The following MARCHF6 variants were observed in gnomAD, a reference collection of about 807,000 sequenced individuals.
MARCHF6 encodes membrane associated ring-CH-type finger 6.
Under a neutral mutation model 133.7 loss-of-function variants are expected in MARCHF6, and 31 were observed. The ratio of observed to expected loss-of-function variants is 0.23; its 90% CI spans 0.17 to 0.31. MARCHF6 has a LOEUF of 0.31. Ranked by LOEUF, MARCHF6 falls within the 10% of genes least tolerant of loss-of-function variation. The pLI, the probability that MARCHF6 is intolerant of heterozygous loss-of-function variation, is 1.00. For synonymous variants in MARCHF6, 395 were observed against 402.5 expected, an observed-to-expected ratio of 0.98 and a Z score of 0.22; for missense variants, 723 against 1,121.6, an observed-to-expected ratio of 0.64 and a Z score of 5.08.
intron 1 of MARCHF6, among the ~76,000 whole-genome samples, chr5:10,359,923 G>A (rs1440296712): frequency 1.3e-5 from 2 of 151,896 alleles, no homozygotes; most frequent in Non-Finnish European, 2.9e-5. Context: ...GGAGAATGGC[G>A]TGAACGTGGG....
At chr5:10,390,601 A>G (rs1025919560) in intron 6 of MARCHF6, 101 bp downstream of exon 6, 2 of 1,150,214 alleles carry the variant, frequency 1.7e-6, no homozygotes, top group South Asian at 1.6e-5. Flanking sequence ...CCTCATAAAC[A>G]TTCTTTTGTT....
In MARCHF6 at chr5:10,436,382, G is replaced by C. The variant is rs1740656173; in HGVS notation, c.*2698G>C. 1 of 151,950 alleles carries C rather than the reference G, an allele frequency of 6.6e-6. No homozygotes were observed. The highest frequency in any genetic ancestry group is 2.4e-5 in the African/African-American group (1 of 41,368). The allele number at this position is 151,950 out of a possible 1,614,324, so 9.4% of individuals were successfully genotyped here. On this transcript the variant is annotated 3_prime_UTR_variant, in exon 26 of 26. Transcript: ENST00000274140. Reference sequence around the variant, plus strand: ...CATTTTCCAGCATAATATTTGCTTGGGTAGCATCCGGGTTTTAGTATTTAA... The same window carrying C: ...CATTTTCCAGCATAATATTTGCTTGCGTAGCATCCGGGTTTTAGTATTTAA...
intron 1 of MARCHF6, among the ~76,000 whole-genome samples, chr5:10,376,077 A>G (rs1464292969): frequency 6.6e-6 from 1 of 152,180 alleles, no homozygotes; most frequent in Non-Finnish European, 1.5e-5. Context: ...GCCAGATAAG[A>G]GAATAAAAGC....
At chr5:10,362,860 G>A (rs2578648) in intron 1 of MARCHF6, among the ~76,000 whole-genome samples, 1 of 151,980 alleles carries the variant, frequency 6.6e-6, no homozygotes, top group African/African-American at 2.4e-5. Flanking sequence ...GGTAGTGTAG[G>A]ATAGAGTCCA....
In MARCHF6 at chr5:10,437,175, A is replaced by G. The variant is rs373135493; in HGVS notation, c.*3491A>G. On this transcript the variant is annotated 3_prime_UTR_variant, in exon 26 of 26. Transcript: ENST00000274140. ...TGCCATAAGAACACTGGCGCTTTTT[A>G]AAACTTTCCAAGCTAGCTACTTATT... 6.6e-6 allele frequency: 1 copy of G among 152,280 alleles called. No individual in the cohort carries two copies. Among genetic ancestry groups the G allele is most frequent in the Non-Finnish European group, 1.5e-5 (1 of 68,048 alleles). 9.4% of individuals were successfully genotyped at this position (152,280 alleles called of 1,614,324 possible).
intron 1 of MARCHF6, 140 bp downstream of exon 1, chr5:10,354,057 TG>T: frequency 1.3e-6 from 1 of 795,532 alleles, no homozygotes; most frequent in Non-Finnish European, 1.8e-6. Flanking sequence ...GCTGGGCCTC[TG>T]GGCCGGGGAG....
chr5:10,431,584 T>A (rs1045877826), intron 25 of MARCHF6, among the ~76,000 whole-genome samples: 1 of 152,026 alleles, frequency 6.6e-6, no homozygotes, highest in Non-Finnish European at 1.5e-5. Flanking sequence ...TATGTACTCT[T>A]TAGCACAGGG....
chr5:10,382,942 C>G (rs1470948225), intron 4 of MARCHF6, among the ~76,000 whole-genome samples: 4 of 152,062 alleles, frequency 2.6e-5, no homozygotes, highest in African/African-American at 9.7e-5. Context: ...TAATCAACCC[C>G]CCTAATCAAT....
chr5:10,376,020 G>T (rs544755075), intron 1 of MARCHF6, among the ~76,000 whole-genome samples: 4 of 152,290 alleles, frequency 2.6e-5, no homozygotes. Flanking sequence ...TCAGCACCCT[G>T]TCAAAACAGG....
chr5:10,360,986 A>G (rs1735786634), intron 1 of MARCHF6, among the ~76,000 whole-genome samples: 1 of 152,192 alleles, frequency 6.6e-6, no homozygotes, highest in Non-Finnish European at 1.5e-5. Flanking sequence ...ACTTATTTTT[A>G]GTATAATACA....
chr5:10,399,685 A>G (rs114025988), intron 10 of MARCHF6, among the ~76,000 whole-genome samples: 20 of 152,192 alleles, frequency 1.3e-4, no homozygotes, highest in African/African-American at 4.6e-4. Context: ...ATCATATTCA[A>G]ACTCTCTGGG....
At position 10,370,092 on chromosome 5, in the gene MARCHF6, A is replaced by ATTTTT. The variant is rs762064486; in HGVS notation, c.20-7684_20-7680dup. ...ATAGGTATGGGAGTATCTTACTGTG[A>ATTTTT]TTTTTTTTTTTTTTTTTTTTTTTTT... On this transcript the variant is annotated intron_variant, in intron 1 of 25. Coordinates refer to ENST00000274140, the MANE Select transcript of MARCHF6 (RefSeq NM_005885.4). Among the ~76,000 whole-genome samples the ATTTTT allele has an allele frequency of 1.5e-4, 10 of 64,960 alleles. 1 individual carries two copies. Among genetic ancestry groups the ATTTTT allele is most frequent in the African/African-American group, 5.0e-4 (7 of 14,086 alleles). The allele number at this position is 64,960 out of a possible 152,430, so 42.6% of individuals were successfully genotyped here. A position where few individuals can be genotyped will look rare whatever the true frequency, so the allele number is the denominator to read the frequency against.
intron 14 of MARCHF6, 91 bp downstream of exon 14, chr5:10,402,698 A>C (rs2052962780): frequency 9.2e-7 from 1 of 1,086,438 alleles, no homozygotes. Flanking sequence ...AAGGAAAGCA[A>C]ATATTTGATA....
chr5:10,353,845 C>G lies in MARCHF6; in HGVS notation c.-54C>G. The G allele has an allele frequency of 6.5e-7, 1 of 1,533,484 alleles. No homozygotes were observed. Among genetic ancestry groups the G allele is most frequent in the Admixed American group, 1.9e-5 (1 of 51,558 alleles). The allele number at this position is 1,533,484 out of a possible 1,614,324, so 95.0% of individuals were successfully genotyped here. A position where few individuals can be genotyped will look rare whatever the true frequency, so the allele number is the denominator to read the frequency against. ...CCTCCTCCTCTCCCCTCCCTCTTTC[C>G]CCGCCCGGCCGCGGGAGCCTCGTGG... On this transcript the variant is annotated 5_prime_UTR_variant, in exon 1 of 26. Coordinates refer to ENST00000274140, the MANE Select transcript of MARCHF6 (RefSeq NM_005885.4).
At chr5:10,377,548 A>G (rs1736865420) in intron 1 of MARCHF6, among the ~76,000 whole-genome samples, 1 of 152,084 alleles carries the variant, frequency 6.6e-6, no homozygotes, top group South Asian at 2.1e-4. Flanking sequence ...CTTATTTTCG[A>G]CTTTGATTTA....
intron 17 of MARCHF6, among the ~76,000 whole-genome samples, chr5:10,407,657 A>G (rs570102325): frequency 1.3e-5 from 2 of 152,266 alleles, no homozygotes; most frequent in Middle Eastern, 3.4e-3. Flanking sequence ...TGCTTTAAAA[A>G]CTTAAGTGGG....
At position 10,424,721 on chromosome 5, in the gene MARCHF6, G is replaced by T. The variant is rs1044382036; in HGVS notation, c.2373+897G>T. Among the ~76,000 whole-genome samples, 6 of 152,146 alleles carry T rather than the reference G, an allele frequency of 3.9e-5. No individual in the cohort carries two copies. In the South Asian group the frequency reaches 1.2e-3, roughly 31 times the overall value. On this transcript the variant is annotated intron_variant, in intron 23 of 25. Coordinates refer to ENST00000274140, the MANE Select transcript of MARCHF6 (RefSeq NM_005885.4). ...TCTAAGCCTGTAGTAGATTTGGAGT[G>T]GGGGAAAGGTTATTGCTCGAGGTAA...
At chr5:10,381,660 T>G in intron 3 of MARCHF6, 140 bp from the exon 4 acceptor site, 2 of 629,324 alleles carry the variant, frequency 3.2e-6, no homozygotes, top group Non-Finnish European at 5.2e-6. Flanking sequence ...ATTATAACTA[T>G]TTGGTTTATT....
chr5:10,418,174 T>C (rs1196681814), intron 22 of MARCHF6, among the ~76,000 whole-genome samples: 2 of 151,700 alleles, frequency 1.3e-5, no homozygotes, highest in African/African-American at 4.8e-5. Flanking sequence ...AGCTCAGGAG[T>C]TGAAGACTAG....
Sources: gnomAD v4.1 joint callset for allele counts (sites outside exome capture counted in the v4.1 genomes callset) on GRCh38, gnomAD v4.1.1 for gene constraint, MANE v1.5 for transcripts, NCBI Gene and HGNC (gene_info 2026-07-23, HGNC 2026-07-21) for gene names.